AKAIN1: variants seen among roughly 807,000 people sequenced by gnomAD.
The protein encoded by AKAIN1 is A-kinase anchor protein inhibitor 1.
In AKAIN1, 3 loss-of-function variants were observed where a neutral mutation model predicts 3.7. That is an observed-to-expected ratio of 0.82 (90% confidence interval 0.37 to 2.12). The LOEUF is 2.12. Ranked by LOEUF, AKAIN1 falls within the 30% of genes most tolerant of loss-of-function variation. The pLI is 0.06. For synonymous variants in AKAIN1, 31 were observed against 30.8 expected, an observed-to-expected ratio of 1.01 and a Z score of -0.02; for missense variants, 82 against 82.7, an observed-to-expected ratio of 0.99 and a Z score of 0.03.
At chr18:5,153,565 G>A (rs189431111) in intron 1 of AKAIN1, among the ~76,000 whole-genome samples, 1 of 152,082 alleles carries the variant, frequency 6.6e-6, no homozygotes, top group Non-Finnish European at 1.5e-5. Context: ...TTTAGGGCTT[G>A]GCCAAGTAGT....
chr18:5,186,354 T>C (rs1328052925), intron 1 of AKAIN1, among the ~76,000 whole-genome samples: 1 of 152,012 alleles, frequency 6.6e-6, no homozygotes, highest in Admixed American at 6.6e-5. Context: ...AACTTGAACA[T>C]GTACTCCTGA....
chr18:5,192,423 TTCTTTCTTTCTTTC>T (rs2071325528), intron 1 of AKAIN1, among the ~76,000 whole-genome samples: 1 of 123,492 alleles, frequency 8.1e-6, no homozygotes, highest in Non-Finnish European at 1.8e-5. Context: ...CTTTCTTTCT[TTCTTTCTTTCTTTC>T]TTTCTTTCTT....
chr18:5,194,298 T>C (rs1212423162), intron 1 of AKAIN1, among the ~76,000 whole-genome samples: 4 of 152,134 alleles, frequency 2.6e-5, no homozygotes, highest in Non-Finnish European at 4.4e-5. Context: ...TCCTAAATTA[T>C]AGTCTATTAA....
chr18:5,189,424 T>A (rs553356949), intron 1 of AKAIN1, among the ~76,000 whole-genome samples: 8 of 152,318 alleles, frequency 5.3e-5, no homozygotes, highest in South Asian at 4.1e-4. Flanking sequence ...ATTTTTCAAA[T>A]TTTTCTGCTC....
At chr18:5,150,326 C>T (rs1283970076) in intron 1 of AKAIN1, among the ~76,000 whole-genome samples, 1 of 152,240 alleles carries the variant, frequency 6.6e-6, no homozygotes, top group African/African-American at 2.4e-5. Context: ...CTCAAAGACT[C>T]ACCATTGATT....
chr18:5,149,241 G>T (rs908468265), intron 1 of AKAIN1, among the ~76,000 whole-genome samples: 2 of 152,176 alleles, frequency 1.3e-5, no homozygotes, highest in Non-Finnish European at 2.9e-5. Context: ...GAAAGAGAGG[G>T]ATTAAGGTTG....
At chr18:5,183,589 A>T (rs1403779394) in intron 1 of AKAIN1, among the ~76,000 whole-genome samples, 3 of 152,036 alleles carry the variant, frequency 2.0e-5, no homozygotes, top group Non-Finnish European at 2.9e-5. Flanking sequence ...ATTTAAAAAA[A>T]AACCCAGTGT....
intron 1 of AKAIN1, among the ~76,000 whole-genome samples, chr18:5,176,304 G>C (rs1444654010): frequency 6.6e-6 from 1 of 152,150 alleles, no homozygotes; most frequent in Non-Finnish European, 1.5e-5. Flanking sequence ...CTGGGTGGTA[G>C]TGGTACATGC....
chr18:5,159,740 A>G (rs574327273), intron 1 of AKAIN1, among the ~76,000 whole-genome samples: 91 of 152,292 alleles, frequency 6.0e-4, no homozygotes, highest in African/African-American at 1.9e-3. Context: ...ATAATCTGTT[A>G]GTTGGTTTGT....
In AKAIN1 at chr18:5,174,781, C is replaced by T. The variant is rs373529834; in HGVS notation, c.16+22257G>A. 2.6e-4 allele frequency among the ~76,000 whole-genome samples: 40 copies of T among 152,098 alleles called. No homozygotes were observed. In the Middle Eastern group the frequency reaches 0.01, roughly 39 times the overall value. On this transcript the variant is annotated intron_variant, in intron 1 of 1. Coordinates refer to ENST00000434239, the MANE Select transcript of AKAIN1 (RefSeq NM_001145194.2). ...AAGCAATTGTCTCAGATGGAGTGAT[C>T]GTGACATTTGTAGAACAGAGCAGAC...
intron 1 of AKAIN1, among the ~76,000 whole-genome samples, chr18:5,164,650 A>C (rs886984749): frequency 3.3e-5 from 5 of 152,094 alleles, no homozygotes; most frequent in East Asian, 3.9e-4. Flanking sequence ...GTATCCCCCT[A>C]TGGTCATGGG....
At chr18:5,181,317 T>A (rs1312376580) in intron 1 of AKAIN1, among the ~76,000 whole-genome samples, 5 of 151,966 alleles carry the variant, frequency 3.3e-5, no homozygotes, top group African/African-American at 1.2e-4. Context: ...GAAGTATAAT[T>A]TTTTAAAGGA....
In AKAIN1 at chr18:5,197,140, G is replaced by T; in HGVS notation, c.-87C>A. On this transcript the variant is annotated 5_prime_UTR_variant, in exon 1 of 2. Transcript: ENST00000434239. This position sits in a 1 kb window ranked among gnomAD's most constrained non-coding sequence, Gnocchi z 6.9. ...AAGAAGGCCGGACTTGGCGGGGTCC[G>T]GTGCAGGAGGGCGCGCTGGGCGGGC... 3 of 1,534,680 alleles carry T rather than the reference G, an allele frequency of 2.0e-6. No individual in the cohort carries two copies. Among genetic ancestry groups the T allele is most frequent in the South Asian group, 2.4e-5 (2 of 83,106 alleles).
intron 1 of AKAIN1, among the ~76,000 whole-genome samples, chr18:5,179,312 G>T (rs574742725): frequency 6.6e-6 from 1 of 152,028 alleles, no homozygotes; most frequent in Non-Finnish European, 1.5e-5. Context: ...TTGACTTTCT[G>T]TTTCTGAGTT....
intron 1 of AKAIN1, among the ~76,000 whole-genome samples, chr18:5,190,239 G>T (rs1043429238): frequency 4.6e-5 from 7 of 152,094 alleles, no homozygotes; most frequent in African/African-American, 1.7e-4. Flanking sequence ...ACCTCTTAAA[G>T]GTCTACTTCT....
intron 1 of AKAIN1, among the ~76,000 whole-genome samples, chr18:5,194,059 T>C (rs915561613): frequency 2.0e-5 from 3 of 152,204 alleles, no homozygotes; most frequent in Admixed American, 6.5e-5. Flanking sequence ...GCCTAAGTCA[T>C]GTAGCCTAGC....
intron 1 of AKAIN1, among the ~76,000 whole-genome samples, chr18:5,176,966 C>A (rs769948333): frequency 7.2e-5 from 11 of 152,040 alleles, no homozygotes; most frequent in Non-Finnish European, 1.3e-4. Flanking sequence ...CTCAGACACC[C>A]ACTGTGGCTT....
chr18:5,160,049 T>G (rs866777714), intron 1 of AKAIN1, among the ~76,000 whole-genome samples: 1 of 152,238 alleles, frequency 6.6e-6, no homozygotes, highest in Non-Finnish European at 1.5e-5. Context: ...CTATTATGAA[T>G]GATTCTACCA....
rs546364502 is a variant in AKAIN1 at position 5,149,443 on chromosome 18, A to G, written c.17-3688T>C. ...CAAATGTCGTAGCCAAGTGTCCAGG[A>G]ACCGTTCAGCTGAGCTTCATATTAC... is the stretch of plus-strand genomic sequence containing the variant. On this transcript the variant is annotated intron_variant, in intron 1 of 1. Transcript: ENST00000434239. Among the ~76,000 whole-genome samples the G allele has an allele frequency of 2.4e-4, 36 of 152,294 alleles. No individual in the cohort carries two copies. In the South Asian group the frequency reaches 7.5e-3, roughly 32 times the overall value.
Sources: gnomAD v4.1 joint callset for allele counts (sites outside exome capture counted in the v4.1 genomes callset) on GRCh38, gnomAD v4.1.1 for gene constraint, Gnocchi (gnomAD v3.1) non-coding constraint, MANE v1.5 for transcripts, NCBI Gene and HGNC (gene_info 2026-07-23, HGNC 2026-07-21) for gene names.